Variants in SLC20A2 observed in about 807,000 individuals in gnomAD.
SLC20A2 encodes the protein solute carrier family 20 member 2.
In SLC20A2, 30 loss-of-function variants were observed where a neutral mutation model predicts 61.0. The observed-to-expected ratio is 0.49, with a 90% confidence interval of 0.37 to 0.67. The LOEUF is 0.67. SLC20A2 is among the 30% of genes least tolerant of loss of function. SLC20A2 has a pLI of 0.00. For synonymous variants in SLC20A2, 351 were observed against 353.3 expected (o/e 0.99, Z 0.07); for missense variants, 626 against 866.4 (o/e 0.72, Z 3.48).
intron 5 of SLC20A2, among the ~76,000 whole-genome samples, chr8:42,459,235 C>CAAAAAAAAA (rs756966778): frequency 1.1e-4 from 4 of 36,076 alleles, no homozygotes; most frequent in Non-Finnish European, 1.5e-4. Context: ...GACTCTATCT[C>CAAAAAAAAA]AAAAAAAAAA....
intron 8 of SLC20A2, among the ~76,000 whole-genome samples, chr8:42,433,470 C>T (rs575153214): frequency 1.4e-4 from 21 of 152,144 alleles, no homozygotes; most frequent in Admixed American, 2.0e-4. Flanking sequence ...ATTACAGGCA[C>T]GTGCCACCAC....
chr8:42,535,289 AG>A (rs1056304201), intron 1 of SLC20A2: 9 of 152,090 alleles, frequency 5.9e-5, no homozygotes, highest in African/African-American at 2.2e-4. Flanking sequence ...TGCTGAAACT[AG>A]GTTTATCTCT....
At chr8:42,421,575 C>G (rs572779858) in intron 10 of SLC20A2, among the ~76,000 whole-genome samples, 1 of 152,056 alleles carries the variant, frequency 6.6e-6, no homozygotes, top group East Asian at 1.9e-4. Flanking sequence ...GAGGCCGAGG[C>G]GGGCAGATCA....
intron 1 of SLC20A2, among the ~76,000 whole-genome samples, chr8:42,496,316 C>T (rs569314311): frequency 7.2e-4 from 110 of 152,298 alleles, no homozygotes; most frequent in South Asian, 6.0e-3. Flanking sequence ...CAAATAGACA[C>T]TCTCAGCAGC....
chr8:42,538,434 G>T (rs1812846938), intron 1 of SLC20A2: 1 of 152,096 alleles, frequency 6.6e-6, no homozygotes, highest in African/African-American at 2.4e-5. Context: ...ACAGAGTGTG[G>T]TATACACAGT....
intron 1 of SLC20A2, among the ~76,000 whole-genome samples, chr8:42,496,286 A>G (rs1049923299): frequency 6.6e-6 from 1 of 152,244 alleles, no homozygotes; most frequent in African/African-American, 2.4e-5. Flanking sequence ...TTATTGTCCT[A>G]AATGCTATAC....
At chr8:42,429,237 C>T (rs1300800037) in intron 9 of SLC20A2, among the ~76,000 whole-genome samples, 1 of 152,196 alleles carries the variant, frequency 6.6e-6, no homozygotes, top group East Asian at 1.9e-4. Context: ...TTCTTCAAAT[C>T]AATCTTCTAA....
At chr8:42,518,228 C>A (rs1176956508) in intron 1 of SLC20A2, among the ~76,000 whole-genome samples, 1 of 152,188 alleles carries the variant, frequency 6.6e-6, no homozygotes, top group Non-Finnish European at 1.5e-5. Context: ...GCATGAGCCA[C>A]CACGCCCAGA....
chr8:42,485,944 CA>C (rs368127646), intron 1 of SLC20A2, among the ~76,000 whole-genome samples: 44,904 of 113,466 alleles, frequency 0.4, 6,497 homozygotes, highest in East Asian at 0.5. Flanking sequence ...GACTCCGTCT[CA>C]AAAAAAAAAA....
intron 2 of SLC20A2, among the ~76,000 whole-genome samples, chr8:42,470,622 C>A (rs1228734331): frequency 6.6e-6 from 1 of 152,102 alleles, no homozygotes; most frequent in African/African-American, 2.4e-5. Flanking sequence ...ACGCCTCGAA[C>A]AACATGAGAT....
chr8:42,507,728 C>CTCATAA (rs1246240540), intron 1 of SLC20A2, among the ~76,000 whole-genome samples: 1 of 152,188 alleles, frequency 6.6e-6, no homozygotes, highest in Non-Finnish European at 1.5e-5. Context: ...CTTTAAGAGG[C>CTCATAA]TCATAATGTG....
At chr8:42,458,485 T>C (rs1586095626) in intron 5 of SLC20A2, among the ~76,000 whole-genome samples, 1 of 150,844 alleles carries the variant, frequency 6.6e-6, no homozygotes, top group African/African-American at 2.4e-5. Flanking sequence ...TAGCTGGGTG[T>C]GGTGGCACAC....
intron 5 of SLC20A2, among the ~76,000 whole-genome samples, chr8:42,447,410 G>A (rs890179754): frequency 4.6e-5 from 7 of 151,314 alleles, no homozygotes; most frequent in Non-Finnish European, 1.0e-4. Context: ...GGGTGCGGTG[G>A]CTCATGCCTG....
At chr8:42,469,924 T>A (rs1432470555) in intron 2 of SLC20A2, among the ~76,000 whole-genome samples, 1 of 149,714 alleles carries the variant, frequency 6.7e-6, no homozygotes, top group African/African-American at 2.5e-5. Context: ...CGAGATTCCG[T>A]CTCAAAAAAA....
At position 42,430,186 on chromosome 8, in the gene SLC20A2, T is replaced by C. The variant is rs142560741; in HGVS notation, c.1587A>G (p.Glu529=). The C allele has an allele frequency of 1.2e-6, 2 of 1,614,104 alleles. No homozygotes were observed. The highest frequency in any genetic ancestry group is 2.7e-5 in the African/African-American group (2 of 75,044). The change falls in exon 9 of 11, where the codon GAA becomes GAG. Residue 529 remains glutamate, a synonymous_variant. Transcript: ENST00000520262. ...LIYKQGGVTQ[E]AATPVWLLFY... is the part of the protein sequence containing the mutation. ...ACAGCAGCCAGACGGGTGTAGCTGC[T>C]TCTTGCGTTACCCCGCCTTGTTTGT...
At chr8:42,460,035 G>T in intron 4 of SLC20A2, 43 bp from the exon 5 acceptor site, 1 of 1,133,544 alleles carries the variant, frequency 8.8e-7, no homozygotes, top group Non-Finnish European at 1.3e-6. Context: ...CAGGATCCCA[G>T]CAGCATTTGG....
chr8:42,435,432 A>G (rs1804174944), intron 8 of SLC20A2, among the ~76,000 whole-genome samples: 1 of 152,156 alleles, frequency 6.6e-6, no homozygotes, highest in Admixed American at 6.5e-5. Flanking sequence ...TCCTGAGCAT[A>G]TTACACAGGG....
chr8:42,540,590 A>G (rs887193376), intron 1 of SLC20A2, among the ~76,000 whole-genome samples: 12 of 152,238 alleles, frequency 7.9e-5, no homozygotes, highest in African/African-American at 2.9e-4. Flanking sequence ...CTTACCCTAG[A>G]CGAAGGTGAG....
rs868817678 is a variant in SLC20A2 at position 42,472,033 on chromosome 8, G to A, written c.289+69C>T. On this transcript the variant is annotated intron_variant, in intron 2 of 10. Transcript: ENST00000520262. The surrounding 1 kb of genome is among the most constrained non-coding windows in gnomAD (Gnocchi z 4.1). ...AAGCAAAAATCACATTTATGGATAT[G>A]GGCAAAGTACTGCAGGGAAGCGGGT... is the stretch of plus-strand genomic sequence containing the variant. 7.0e-7 allele frequency: 1 copy of A among 1,422,052 alleles called. No individual in the cohort carries two copies. Among genetic ancestry groups the A allele is most frequent in the Non-Finnish European group, 9.8e-7 (1 of 1,023,564 alleles). The allele number at this position is 1,422,052 out of a possible 1,614,324, so 88.1% of individuals were successfully genotyped here.
Sources: gnomAD v4.1 joint callset for allele counts (sites outside exome capture counted in the v4.1 genomes callset) on GRCh38, gnomAD v4.1.1 for gene constraint, Gnocchi (gnomAD v3.1) non-coding constraint, MANE v1.5 for transcripts, NCBI Gene and HGNC (gene_info 2026-07-23, HGNC 2026-07-21) for gene names.